Variants in PARD3B observed in about 807,000 individuals in gnomAD.
The protein encoded by PARD3B is partitioning defective 3 homolog B.
In PARD3B, 103 loss-of-function variants were observed where a neutral mutation model predicts 130.2. The observed-to-expected ratio is 0.79, with a 90% confidence interval of 0.67 to 0.93. PARD3B has a LOEUF of 0.93. Ranked by LOEUF, PARD3B falls within the 40% of genes least tolerant of loss-of-function variation. The pLI is 0.00. For synonymous variants in PARD3B, 583 were observed against 553.2 expected (o/e 1.05, Z -0.76); for missense variants, 1,609 against 1,499.2 (o/e 1.07, Z -1.21).
chr2:204,560,507 G>C (rs116291525), intron 1 of PARD3B, among the ~76,000 whole-genome samples: 2,268 of 151,940 alleles, frequency 0.015, 64 homozygotes, highest in African/African-American at 0.052. Flanking sequence ...TGAGCTGTAC[G>C]TGGCCAGGGG....
At chr2:205,233,518 T>A (rs988435761) in intron 15 of PARD3B, among the ~76,000 whole-genome samples, 2 of 152,084 alleles carry the variant, frequency 1.3e-5, no homozygotes, top group Admixed American at 1.3e-4. Context: ...AATGACAATG[T>A]AGAATGGGGT....
At chr2:204,795,055 A>G (rs982910689) in intron 2 of PARD3B, among the ~76,000 whole-genome samples, 2 of 152,244 alleles carry the variant, frequency 1.3e-5, no homozygotes, top group Non-Finnish European at 2.9e-5. Context: ...AGATAGAAAT[A>G]TTCAAAATGT....
At chr2:205,426,129 C>A (rs1462694886) in intron 19 of PARD3B, among the ~76,000 whole-genome samples, 2 of 151,864 alleles carry the variant, frequency 1.3e-5, no homozygotes, top group South Asian at 4.2e-4. Flanking sequence ...ATTATAGACA[C>A]CCAGAGAGGA....
At chr2:204,748,758 T>C (rs959433861) in intron 2 of PARD3B, among the ~76,000 whole-genome samples, 1 of 152,158 alleles carries the variant, frequency 6.6e-6, no homozygotes, top group Non-Finnish European at 1.5e-5. Flanking sequence ...TGAGAACCAC[T>C]GCTGTACAAA....
intron 10 of PARD3B, among the ~76,000 whole-genome samples, chr2:205,156,690 A>G (rs966304535): frequency 2.0e-5 from 3 of 151,846 alleles, no homozygotes; most frequent in Non-Finnish European, 4.4e-5. Flanking sequence ...ATGACAATAA[A>G]CCTCACAGGT....
At chr2:205,100,778 A>G (rs1390211535) in intron 4 of PARD3B, among the ~76,000 whole-genome samples, 1 of 152,162 alleles carries the variant, frequency 6.6e-6, no homozygotes, top group African/African-American at 2.4e-5. Flanking sequence ...TAGCACAACT[A>G]GATATCCACA....
intron 21 of PARD3B, among the ~76,000 whole-genome samples, chr2:205,543,439 C>A (rs2052253032): frequency 6.6e-6 from 1 of 152,180 alleles, no homozygotes; most frequent in African/African-American, 2.4e-5. Flanking sequence ...TGCAGACAGT[C>A]ACAGACTATT....
rs2106525598 is a variant in PARD3B at position 205,563,118 on chromosome 2, G to A, written c.3260+9715G>A. Among the ~76,000 whole-genome samples the A allele has an allele frequency of 6.6e-6, 1 of 152,304 alleles. No homozygotes were observed. Among genetic ancestry groups the A allele is most frequent in the South Asian group, 2.1e-4 (1 of 4,826 alleles). On this transcript the variant is annotated intron_variant, in intron 22 of 22. Coordinates refer to ENST00000406610, the MANE Select transcript of PARD3B (RefSeq NM_001302769.2). This position sits in a 1 kb window ranked among gnomAD's most constrained non-coding sequence, Gnocchi z 4.2. ...GAATACATGATATTATTCAACAGGA[G>A]TAATTAACAGTAAAATCACTAGTCT...
chr2:204,683,153 A>T (rs1189309647), intron 1 of PARD3B, among the ~76,000 whole-genome samples: 3 of 152,310 alleles, frequency 2.0e-5, no homozygotes, highest in African/African-American at 7.2e-5. Flanking sequence ...AGTGGAGAAA[A>T]CATAATTATA....
chr2:204,824,935 G>A (rs1490586933), intron 2 of PARD3B, among the ~76,000 whole-genome samples: 1 of 152,196 alleles, frequency 6.6e-6, no homozygotes, highest in East Asian at 1.9e-4. Context: ...GGCGGCGTAT[G>A]TGTTCTCATT....
chr2:204,914,981 G>T (rs916514982), intron 2 of PARD3B, among the ~76,000 whole-genome samples: 7 of 152,104 alleles, frequency 4.6e-5, no homozygotes, highest in Non-Finnish European at 7.3e-5. Flanking sequence ...TGCTTAACCA[G>T]AGAGATTCCC....
intron 4 of PARD3B, among the ~76,000 whole-genome samples, chr2:205,080,601 G>T (rs1304985106): frequency 6.6e-6 from 1 of 151,842 alleles, no homozygotes; most frequent in Non-Finnish European, 1.5e-5. Context: ...ATCCACTTTG[G>T]GATTATTAAT....
Position 205,292,006 on chromosome 2 carries a change from G to A in PARD3B, c.2186-8524G>A, listed in dbSNP as rs1377816874. 6.6e-6 allele frequency among the ~76,000 whole-genome samples: 1 copy of A among 152,206 alleles called. No homozygotes were observed. The highest frequency in any genetic ancestry group is 1.5e-5 in the Non-Finnish European group (1 of 68,034). ...ACAGAGTGGTGTCAAAGGAGGGGCT[G>A]CTGGTGCCCTCAGGACCTCAGTGCA... On this transcript the variant is annotated intron_variant, in intron 16 of 22. Coordinates refer to ENST00000406610, the MANE Select transcript of PARD3B (RefSeq NM_001302769.2). The surrounding 1 kb of genome is among the most constrained non-coding windows in gnomAD (Gnocchi z 5.3).
chr2:205,378,566 T>G (rs2045167208), intron 18 of PARD3B, among the ~76,000 whole-genome samples: 2 of 152,092 alleles, frequency 1.3e-5, no homozygotes, highest in African/African-American at 2.4e-5. Context: ...AGGCACAGCT[T>G]CTCAGGAGTG....
rs571619942 is a variant in PARD3B at position 204,811,877 on chromosome 2, C to T, written c.222+125595C>T. ...TTTCTCCTTCATACTATTTTGATCA[C>T]GGTCCTTATTGGCTTTTTTAGAAAC... On this transcript the variant is annotated intron_variant, in intron 2 of 22. Coordinates refer to ENST00000406610, the MANE Select transcript of PARD3B (RefSeq NM_001302769.2). Among the ~76,000 whole-genome samples, 19 of 152,062 alleles carry T rather than the reference C, an allele frequency of 1.2e-4. 1 individual carries two copies. The South Asian group carries it at 3.3e-3, about 27-fold the overall frequency.
At position 205,101,839 on chromosome 2, in the gene PARD3B, A is replaced by G. The variant is rs899948058; in HGVS notation, c.505-2587A>G. ...AGGCAACTCCTTTGAGACAGAAATT[A>G]GATTAATGATTGACAGGGCCTGTTG... On this transcript the variant is annotated intron_variant, in intron 4 of 22. Coordinates refer to ENST00000406610, the MANE Select transcript of PARD3B (RefSeq NM_001302769.2). Among the ~76,000 whole-genome samples the G allele has an allele frequency of 3.9e-5, 6 of 152,332 alleles. No homozygotes were observed. In the South Asian group the frequency reaches 1.0e-3, roughly 26 times the overall value.
chr2:205,607,281 G>T (rs570517375), intron 22 of PARD3B, among the ~76,000 whole-genome samples: 84 of 151,912 alleles, frequency 5.5e-4, no homozygotes, highest in Non-Finnish European at 1.1e-3. Flanking sequence ...ATTAGATCCT[G>T]TTTTTTAGAA....
rs1488206178 is a variant in PARD3B at position 205,590,205 on chromosome 2, A to C, written c.3261-25251A>C. Among the ~76,000 whole-genome samples the C allele has an allele frequency of 2.0e-5, 3 of 152,212 alleles. No homozygotes were observed. The highest frequency in any genetic ancestry group is 1.3e-4 in the Admixed American group (2 of 15,292). ...CTATTGGTAGATGTAACTGAATTGA[A>C]AAGTCCAAGGACAGACTTATCTTCA... is the stretch of plus-strand genomic sequence containing the variant. On this transcript the variant is annotated intron_variant, in intron 22 of 22. Transcript: ENST00000406610. The surrounding 1 kb of genome is among the most constrained non-coding windows in gnomAD (Gnocchi z 4.1).
intron 2 of PARD3B, among the ~76,000 whole-genome samples, chr2:204,738,166 T>C (rs2039841047): frequency 6.6e-6 from 1 of 152,216 alleles, no homozygotes; most frequent in Non-Finnish European, 1.5e-5. Context: ...CTTTAGGCAG[T>C]ATGGTCATTT....
Sources: gnomAD v4.1 joint callset for allele counts (sites outside exome capture counted in the v4.1 genomes callset) on GRCh38, gnomAD v4.1.1 for gene constraint, Gnocchi (gnomAD v3.1) non-coding constraint, MANE v1.5 for transcripts, NCBI Gene and HGNC (gene_info 2026-07-23, HGNC 2026-07-21) for gene names.